PRKN: variants seen among roughly 807,000 people sequenced by gnomAD.
The protein encoded by PRKN is parkin RBR E3 ubiquitin protein ligase.
PRKN carries 56 observed loss-of-function variants against 59.5 expected under a neutral mutation model. The ratio of observed to expected loss-of-function variants is 0.94; its 90% CI spans 0.76 to 1.18. PRKN has a LOEUF of 1.18. Ranked by LOEUF, PRKN falls within the 50% of genes most tolerant of loss-of-function variation. The pLI is 0.00. For synonymous variants in PRKN, 250 were observed against 222.1 expected (o/e 1.13, Z -1.12); for missense variants, 657 against 596.4 (o/e 1.10, Z -1.06).
intron 7 of PRKN, chr6:161,716,204 CAT>C (rs1786971463): frequency 4.4e-6 from 3 of 678,592 alleles, no homozygotes; most frequent in Non-Finnish European, 7.0e-6. Flanking sequence ...ATGCTCTTTT[CAT>C]ATTATTGCTG....
intron 2 of PRKN, among the ~76,000 whole-genome samples, chr6:162,281,549 T>C (rs1193549541): frequency 8.5e-5 from 13 of 152,128 alleles, no homozygotes; most frequent in Non-Finnish European, 8.8e-5. Context: ...GCTTACAAAC[T>C]GACCTAAGAA....
intron 2 of PRKN, among the ~76,000 whole-genome samples, chr6:162,361,196 C>T (rs76665061): frequency 1.3e-5 from 2 of 151,872 alleles, no homozygotes; most frequent in African/African-American, 2.4e-5. Context: ...TTCAGAAGTT[C>T]GCTTTGCATT....
intron 1 of PRKN, among the ~76,000 whole-genome samples, chr6:162,696,894 T>C (rs911400193): frequency 6.6e-6 from 1 of 152,128 alleles, no homozygotes; most frequent in African/African-American, 2.4e-5. Flanking sequence ...TGAGGTTACA[T>C]TACTCATCCA....
intron 7 of PRKN, among the ~76,000 whole-genome samples, chr6:161,617,962 G>T (rs1482825905): frequency 6.6e-6 from 1 of 152,094 alleles, no homozygotes; most frequent in Non-Finnish European, 1.5e-5. Context: ...AAATCCTTAA[G>T]GCTCACCTAA....
intron 6 of PRKN, among the ~76,000 whole-genome samples, chr6:161,862,573 C>A (rs565399463): frequency 6.6e-6 from 1 of 152,040 alleles, no homozygotes; most frequent in Non-Finnish European, 1.5e-5. Context: ...TTCCCATGAG[C>A]TCCCCTACTG....
At chr6:161,537,520 C>T (rs1337358141) in intron 9 of PRKN, among the ~76,000 whole-genome samples, 3 of 150,820 alleles carry the variant, frequency 2.0e-5, no homozygotes, top group Non-Finnish European at 2.9e-5. Flanking sequence ...GGCGTGATCT[C>T]GGCTCACTGC....
At chr6:161,847,415 A>G (rs1793245388) in intron 6 of PRKN, among the ~76,000 whole-genome samples, 2 of 152,280 alleles carry the variant, frequency 1.3e-5, no homozygotes, top group South Asian at 4.1e-4. Context: ...AAGAAATGCA[A>G]CTTTGTCCTG....
chr6:162,160,563 T>G (rs947956936), intron 4 of PRKN, among the ~76,000 whole-genome samples: 1 of 152,106 alleles, frequency 6.6e-6, no homozygotes, highest in Non-Finnish European at 1.5e-5. Context: ...TATACCTCAG[T>G]AAAGCTATAA....
At chr6:162,168,385 C>G (rs1783088291) in intron 4 of PRKN, among the ~76,000 whole-genome samples, 1 of 151,738 alleles carries the variant, frequency 6.6e-6, no homozygotes, top group East Asian at 1.9e-4. Flanking sequence ...CTTGTGGCCC[C>G]TAACTAGTAA....
rs555291944 is a variant in PRKN, at chr6:162,002,522, G to A, written c.619-29105C>T. Among the ~76,000 whole-genome samples the A allele has an allele frequency of 2.0e-5, 3 of 151,496 alleles. No homozygotes were observed. In the South Asian group the frequency reaches 6.2e-4, roughly 31 times the overall value. Reference sequence around the variant, plus strand: ...TTTATTTCCAATGTTAGTAATTTGTGTTTCCTTTCTTACTTAACATGGATA... The same window carrying A: ...TTTATTTCCAATGTTAGTAATTTGTATTTCCTTTCTTACTTAACATGGATA... On this transcript the variant is annotated intron_variant, in intron 5 of 11. Transcript: ENST00000366898.
At chr6:161,701,641 A>G (rs1267147324) in intron 7 of PRKN, among the ~76,000 whole-genome samples, 2 of 152,222 alleles carry the variant, frequency 1.3e-5, no homozygotes, top group African/African-American at 4.8e-5. Flanking sequence ...AAATTTAGGC[A>G]TATGTATTAA....
intron 4 of PRKN, among the ~76,000 whole-genome samples, chr6:162,077,695 TA>T (rs1778884994): frequency 1.3e-5 from 2 of 152,030 alleles, no homozygotes; most frequent in Non-Finnish European, 2.9e-5. Flanking sequence ...GAGTTTTCTT[TA>T]AAATGTTTAT....
chr6:162,580,667 T>C (rs1475985367), intron 1 of PRKN, among the ~76,000 whole-genome samples: 2 of 152,198 alleles, frequency 1.3e-5, no homozygotes, highest in East Asian at 3.9e-4. Flanking sequence ...GTCCATGAAC[T>C]GTGTTGGACA....
intron 4 of PRKN, among the ~76,000 whole-genome samples, chr6:162,118,273 C>A (rs1015909777): frequency 3.3e-5 from 5 of 151,870 alleles, no homozygotes; most frequent in Non-Finnish European, 4.4e-5. Flanking sequence ...GGCGTGGTGG[C>A]CAGCGCCAGT....
intron 1 of PRKN, among the ~76,000 whole-genome samples, chr6:162,679,134 C>G (rs957528554): frequency 2.0e-5 from 3 of 148,576 alleles, no homozygotes; most frequent in Non-Finnish European, 4.5e-5. Flanking sequence ...CAGTTTCGCC[C>G]TGTTGCCCAG....
At position 162,466,917 on chromosome 6, in the gene PRKN, T is replaced by C. The variant is rs189875482; in HGVS notation, c.8-23444A>G. Among the ~76,000 whole-genome samples the C allele has an allele frequency of 3.2e-4, 49 of 152,256 alleles. No individual in the cohort carries two copies. The East Asian group carries it at 8.3e-3, about 26-fold the overall frequency. ...ATATTATATACACTGGTTACCTCGT[T>C]TCAATAAATAAGCAGCTGGTAAGTC... On this transcript the variant is annotated intron_variant, in intron 1 of 11. Coordinates refer to ENST00000366898, the MANE Select transcript of PRKN (RefSeq NM_004562.3).
chr6:161,732,736 T>A (rs1253353219), intron 7 of PRKN, among the ~76,000 whole-genome samples: 1 of 152,232 alleles, frequency 6.6e-6, no homozygotes, highest in Non-Finnish European at 1.5e-5. Context: ...TCATTCTTTT[T>A]AATCAGCCAT....
chr6:161,565,340 C>T (rs1029614098), intron 8 of PRKN, among the ~76,000 whole-genome samples: 3 of 152,096 alleles, frequency 2.0e-5, no homozygotes, highest in Non-Finnish European at 4.4e-5. Flanking sequence ...CCCTCCTCAC[C>T]CTCCTAAATG....
intron 5 of PRKN, among the ~76,000 whole-genome samples, chr6:162,005,020 T>C (rs1047322239): frequency 2.6e-5 from 4 of 152,254 alleles, no homozygotes; most frequent in Non-Finnish European, 5.9e-5. Context: ...AAGGAAGACT[T>C]GCCTGTAAAG....
Sources: allele counts gnomAD v4.1 joint callset (sites outside exome capture counted in the v4.1 genomes callset), GRCh38; gene constraint gnomAD v4.1.1; transcripts MANE v1.5; gene names NCBI Gene and HGNC (gene_info 2026-07-23, HGNC 2026-07-21).